Variants in KCTD19 observed in about 807,000 individuals in gnomAD.
The protein encoded by KCTD19 is potassium channel tetramerization domain containing 19, also known as BTB/POZ domain-containing protein KCTD19.
Under a neutral mutation model 103.5 loss-of-function variants are expected in KCTD19, and 67 were observed. The ratio of observed to expected loss-of-function variants is 0.65; its 90% CI spans 0.53 to 0.79. The LOEUF (loss-of-function observed/expected upper bound fraction) is 0.79. Among genes scored for constraint, KCTD19 ranks in the 30% least tolerant of loss-of-function variants. The pLI, the probability that KCTD19 is intolerant of heterozygous loss-of-function variation, is 0.00. For missense variants in KCTD19, 980 were observed against 1,136.1 expected (o/e 0.86, Z 1.98); for synonymous variants, 439 against 452.2 (o/e 0.97, Z 0.37).
Position 67,297,625 on chromosome 16 carries a change from GTC to G in KCTD19, c.1023_1024del (p.Glu341AspfsTer7), listed in dbSNP as rs778011303. 1.9e-6 allele frequency: 3 copies of G among 1,614,044 alleles called. No homozygotes were observed. The highest frequency in any genetic ancestry group is 4.5e-5 in the East Asian group (2 of 44,882). Reference sequence around the variant, plus strand: ...ACAGAGCTCATATACCTCGGAAATGGTCTCTGTCAGGGGCAGCCGGCAAGTCC... The same window carrying G: ...ACAGAGCTCATATACCTCGGAAATGGTCTGTCAGGGGCAGCCGGCAAGTCC... On this transcript the variant is annotated frameshift_variant, in exon 7 of 16. Transcript: ENST00000304372. LOFTEE classifies it high-confidence loss of function.
At chr16:67,310,399 T>G (rs1407149291) in intron 2 of KCTD19, among the ~76,000 whole-genome samples, 1 of 152,176 alleles carries the variant, frequency 6.6e-6, no homozygotes, top group Non-Finnish European at 1.5e-5. Flanking sequence ...TGACTGAAAT[T>G]GCTACAGAGT....
intron 7 of KCTD19, 93 bp from the exon 8 acceptor site, chr16:67,296,352 C>T (rs2036765294): frequency 1.3e-6 from 1 of 788,306 alleles, no homozygotes; most frequent in Admixed American, 1.8e-5. Flanking sequence ...CACGTTAAGT[C>T]TCAATATCTT....
chr16:67,310,701 G>A (rs1477824183), intron 2 of KCTD19, among the ~76,000 whole-genome samples: 1 of 152,222 alleles, frequency 6.6e-6, no homozygotes, highest in East Asian at 1.9e-4. Context: ...AAAGATGGCT[G>A]ACAAATGCGC....
intron 6 of KCTD19, 131 bp downstream of exon 6, chr16:67,299,232 T>C: frequency 1.2e-6 from 1 of 803,928 alleles, no homozygotes; most frequent in African/African-American, 1.7e-5. Context: ...GTGATGGTAA[T>C]GGCTAAAATG....
At chr16:67,302,109 A>C in intron 4 of KCTD19, 187 bp from the exon 5 acceptor site, 1 of 547,952 alleles carries the variant, frequency 1.8e-6, no homozygotes, top group Non-Finnish European at 3.2e-6. Context: ...ACCCCACATT[A>C]CTTTGTTTTC....
In KCTD19 at chr16:67,316,278, ATCC is replaced by A. The variant is rs146611566; in HGVS notation, c.300+4308_300+4310del. Among the ~76,000 whole-genome samples the A allele has an allele frequency of 4.5e-3, 691 of 152,176 alleles. 4 individuals are homozygous for A. The highest frequency in any genetic ancestry group is 0.015 in the African/African-American group (636 of 41,502). On this transcript the variant is annotated intron_variant, in intron 2 of 15. Transcript: ENST00000304372. The stretch of plus-strand genomic sequence containing the variant: ...GGCTGGTCTTGTCCTGGGCTCAAGA[ATCC>A]TCCTGCCTTGACCTCCCAAAGTGTT...
At position 67,317,715 on chromosome 16, in the gene KCTD19, T is replaced by C. The variant is rs150846554; in HGVS notation, c.300+2874A>G. ...TGTCATCTGTTTCTTTTTACTGTTTTAGATGTGGCTATAGAAAGTATAAAA... is the reference window on the plus strand; with the variant it reads ...TGTCATCTGTTTCTTTTTACTGTTTCAGATGTGGCTATAGAAAGTATAAAA... On this transcript the variant is annotated intron_variant, in intron 2 of 15. Coordinates refer to ENST00000304372, the MANE Select transcript of KCTD19 (RefSeq NM_001100915.3). Among the ~76,000 whole-genome samples, 778 of 152,348 alleles carry C rather than the reference T, an allele frequency of 5.1e-3. 10 individuals carry two copies. The highest frequency in any genetic ancestry group is 0.018 in the East Asian group (96 of 5,194).
In KCTD19 at chr16:67,295,404, T is replaced by C. The variant is rs1441769320; in HGVS notation, c.1250A>G (p.Tyr417Cys). 1 of 1,611,108 alleles carries C rather than the reference T, an allele frequency of 6.2e-7. No individual in the cohort carries two copies. Among genetic ancestry groups the C allele is most frequent in the Admixed American group, 1.7e-5 (1 of 59,958 alleles). Residue 417 changes from tyrosine to cysteine, a missense_variant and splice_region_variant, in exon 9 of 16, where the codon TAT becomes TGT. By Grantham distance (194) the Tyr-to-Cys change is radical (BLOSUM62 -2). Coordinates refer to ENST00000304372, the MANE Select transcript of KCTD19 (RefSeq NM_001100915.3). Reference sequence around the variant, plus strand: ...CTGAGGGTTGGACAGCAGTTCTGGATACTGGAGGGGGTTGGACACCGGACT... The same window carrying C: ...CTGAGGGTTGGACAGCAGTTCTGGACACTGGAGGGGGTTGGACACCGGACT... The part of the protein sequence containing the change: ...YATTLQTLLK[Y>C]PELLSNPQRV...
chr16:67,301,322 C>G (rs541913352), intron 5 of KCTD19: 1 of 154,742 alleles, frequency 6.5e-6, no homozygotes, highest in Admixed American at 6.4e-5. Flanking sequence ...CGTGAGGTGA[C>G]GAGGGAATTT....
chr16:67,322,038 C>T (rs1465332386), intron 1 of KCTD19: 1 of 152,008 alleles, frequency 6.6e-6, no homozygotes, highest in Admixed American at 6.6e-5. Context: ...GTGCTACCAG[C>T]ATAAGGATAA....
At chr16:67,321,220 C>T (rs1283248545) in intron 1 of KCTD19, among the ~76,000 whole-genome samples, 1 of 152,048 alleles carries the variant, frequency 6.6e-6, no homozygotes, top group East Asian at 1.9e-4. Context: ...ATGAGCCCAA[C>T]AAGGTTGAAA....
At chr16:67,307,009 G>T (rs911527068) in intron 2 of KCTD19, among the ~76,000 whole-genome samples, 1 of 152,108 alleles carries the variant, frequency 6.6e-6, no homozygotes, top group Non-Finnish European at 1.5e-5. Flanking sequence ...TGAAACCCAG[G>T]ACTCTGGAGC....
At position 67,300,595 on chromosome 16, in the gene KCTD19, G is replaced by A. The variant is rs1306488786; in HGVS notation, c.776-1022C>T. ...CACACCATCTTAAGCGGATTATAAGGCCCTGGGACAGGGTCCTGAGACCTG... is the reference window on the plus strand; with the variant it reads ...CACACCATCTTAAGCGGATTATAAGACCCTGGGACAGGGTCCTGAGACCTG... On this transcript the variant is annotated intron_variant, in intron 5 of 15. Coordinates refer to ENST00000304372, the MANE Select transcript of KCTD19 (RefSeq NM_001100915.3). This position sits in a 1 kb window ranked among gnomAD's most constrained non-coding sequence, Gnocchi z 4.5. 2.0e-5 allele frequency: 3 copies of A among 152,308 alleles called. No individual in the cohort carries two copies. The highest frequency in any genetic ancestry group is 2.9e-5 in the Non-Finnish European group (2 of 68,108). 9.4% of individuals were successfully genotyped at this position (152,308 alleles called of 1,614,324 possible).
chr16:67,304,655 G>A (rs2036872789), intron 2 of KCTD19, 84 bp from the exon 3 acceptor site: 2 of 1,215,522 alleles, frequency 1.6e-6, no homozygotes, highest in Admixed American at 2.0e-5. Flanking sequence ...AGGAAAAACA[G>A]TATGTGACTT....
At chr16:67,318,552 TA>T (rs1239591901) in intron 2 of KCTD19, among the ~76,000 whole-genome samples, 12 of 132,276 alleles carry the variant, frequency 9.1e-5, no homozygotes, top group Admixed American at 5.4e-4. Context: ...AGCAAGACTC[TA>T]TCTCAAAAAA....
chr16:67,295,364 G>A lies in KCTD19; in HGVS notation c.1290C>T (p.Ile430=). The change falls in exon 9 of 16, where the codon ATC becomes ATT. Residue 430 remains isoleucine (I), a synonymous_variant. Coordinates refer to ENST00000304372, the MANE Select transcript of KCTD19 (RefSeq NM_001100915.3). ...GGATGAGCAGGGTTTGTCCATATGTGATCCAGTACACTCTCTGAGGGTTGG... is the reference window on the plus strand; with the variant it reads ...GGATGAGCAGGGTTTGTCCATATGTAATCCAGTACACTCTCTGAGGGTTGG... ...LLSNPQRVYW[I]TYGQTLLIHG... 6.2e-7 allele frequency: 1 copy of A among 1,614,080 alleles called. No homozygotes were observed. Among genetic ancestry groups the A allele is most frequent in the Non-Finnish European group, 8.5e-7 (1 of 1,179,954 alleles).
At chr16:67,295,690 C>A (rs2036756936) in intron 8 of KCTD19, 2 of 359,944 alleles carry the variant, frequency 5.6e-6, no homozygotes, top group South Asian at 4.1e-5. Flanking sequence ...CTGGCCCCCT[C>A]CCTATGCAAA....
At chr16:67,307,104 G>A (rs373310899) in intron 2 of KCTD19, among the ~76,000 whole-genome samples, 1 of 151,994 alleles carries the variant, frequency 6.6e-6, no homozygotes, top group East Asian at 1.9e-4. Context: ...TCAATACATG[G>A]ATACAATGTA....
intron 2 of KCTD19, among the ~76,000 whole-genome samples, chr16:67,311,062 GAT>G (rs1308999677): frequency 2.0e-5 from 3 of 152,204 alleles, no homozygotes; most frequent in Non-Finnish European, 2.9e-5. Context: ...TCTCTCAGCA[GAT>G]ATGTTGTTAA....
Sources: gnomAD v4.1 joint callset for allele counts (sites outside exome capture counted in the v4.1 genomes callset) on GRCh38, gnomAD v4.1.1 for gene constraint, Gnocchi (gnomAD v3.1) non-coding constraint, MANE v1.5 for transcripts, NCBI Gene and HGNC (gene_info 2026-07-23, HGNC 2026-07-21) for gene names.